MRTFB: variants seen among roughly 807,000 people sequenced by gnomAD.
MRTFB encodes the protein myocardin-related transcription factor B.
MRTFB carries 29 observed loss-of-function variants against 104.2 expected under a neutral mutation model. That is an observed-to-expected ratio of 0.28 (90% confidence interval 0.21 to 0.38). The LOEUF (loss-of-function observed/expected upper bound fraction) is 0.38, where lower values mean the gene tolerates loss of function less well. Ranked by LOEUF, MRTFB falls within the 10% of genes least tolerant of loss-of-function variation. The pLI is 1.00. For missense variants in MRTFB, 1,270 were observed against 1,341.6 expected (o/e 0.95, Z 0.83); for synonymous variants, 535 against 519.5 (o/e 1.03, Z -0.41).
At chr16:14,154,666 T>G (rs2038761870) in intron 3 of MRTFB, among the ~76,000 whole-genome samples, 1 of 152,118 alleles carries the variant, frequency 6.6e-6, no homozygotes, top group Admixed American at 6.5e-5. Flanking sequence ...TGCCTCAGAG[T>G]CTCTCAGGAG....
the MRTFB span, among the ~76,000 whole-genome samples, chr16:14,050,373 C>T: frequency 1.3e-5 from 2 of 152,032 alleles, no homozygotes; most frequent in African/African-American, 4.8e-5. Flanking sequence ...AATTTTTTTC[C>T]TCTTTTTTGA....
At chr16:14,226,951 G>A (rs1262980592) in intron 8 of MRTFB, among the ~76,000 whole-genome samples, 1 of 150,524 alleles carries the variant, frequency 6.6e-6, no homozygotes, top group Non-Finnish European at 1.5e-5. Flanking sequence ...CTGCACTCCA[G>A]CCTGGGGGAC....
At chr16:14,138,594 C>T (rs531036744) in intron 2 of MRTFB, among the ~76,000 whole-genome samples, 6 of 152,146 alleles carry the variant, frequency 3.9e-5, no homozygotes, top group African/African-American at 9.6e-5. Context: ...TTTGGTGGGC[C>T]GCACCAGAGA....
At chr16:14,192,977 C>T (rs1010333566) in intron 3 of MRTFB, among the ~76,000 whole-genome samples, 1 of 152,132 alleles carries the variant, frequency 6.6e-6, no homozygotes, top group Non-Finnish European at 1.5e-5. Flanking sequence ...AGAAATATTT[C>T]ATCTGTCCAC....
chr16:14,194,800 C>T (rs2151077158), intron 3 of MRTFB, among the ~76,000 whole-genome samples: 1 of 148,100 alleles, frequency 6.8e-6, no homozygotes, highest in South Asian at 2.1e-4. Context: ...TGGATAAATG[C>T]TTAATTCCTT....
At chr16:14,043,854 C>T in the MRTFB span, among the ~76,000 whole-genome samples, 10 of 152,174 alleles carry the variant, frequency 6.6e-5, no homozygotes, top group East Asian at 1.9e-4. Flanking sequence ...GGAAATGAGA[C>T]GTAATCTTGC....
chr16:14,064,757 T>G, the MRTFB span, among the ~76,000 whole-genome samples: 1 of 152,188 alleles, frequency 6.6e-6, no homozygotes, highest in Non-Finnish European at 1.5e-5. Context: ...TTGTCAGAGA[T>G]CAGATTGTTG....
chr16:14,000,091 T>C, the MRTFB span, among the ~76,000 whole-genome samples: 111 of 152,060 alleles, frequency 7.3e-4, 1 homozygote, highest in African/African-American at 2.6e-3. Context: ...CACATTGGGG[T>C]GGGGGCTGGA....
At chr16:14,053,424 C>CA in the MRTFB span, among the ~76,000 whole-genome samples, 3 of 151,654 alleles carry the variant, frequency 2.0e-5, no homozygotes, top group African/African-American at 4.8e-5. Flanking sequence ...CTTGACTCTA[C>CA]AAAAAAAATA....
rs1282078207 is a variant in MRTFB, at chr16:14,218,828, AAGG to A, written c.528_530del (p.Glu176del). The A allele has an allele frequency of 1.3e-6, 2 of 1,591,996 alleles. No homozygotes were observed. Among genetic ancestry groups the A allele is most frequent in the Non-Finnish European group, 1.7e-6 (2 of 1,166,440 alleles). On this transcript the variant is annotated inframe_deletion, in exon 8 of 17. Transcript: ENST00000571589. ...ATCATTTCTTTCTTTAGGCGTTGGG[AAGG>A]AGGACTATCCCCACACTCAGGGCGA...
chr16:14,079,404 TTTC>T (rs1252724462), intron 2 of MRTFB, 50 bp downstream of exon 2: 2 of 339,986 alleles, frequency 5.9e-6, no homozygotes, highest in East Asian at 7.8e-5. Flanking sequence ...AATTTCTTTC[TTTC>T]TTTTACCTCC....
intron 15 of MRTFB, among the ~76,000 whole-genome samples, chr16:14,256,057 G>T (rs1208066138): frequency 1.3e-5 from 2 of 149,530 alleles, no homozygotes; most frequent in African/African-American, 5.0e-5. Flanking sequence ...AGGCTGCAGT[G>T]ATCTGAGGCT....
At chr16:14,143,544 G>T (rs1373852178) in intron 3 of MRTFB, 12 of 148,402 alleles carry the variant, frequency 8.1e-5, no homozygotes, top group Middle Eastern at 3.4e-3. Context: ...AAGTTTTAGG[G>T]TACATGTACA....
At chr16:14,110,069 A>C (rs921169971) in intron 2 of MRTFB, among the ~76,000 whole-genome samples, 1 of 152,192 alleles carries the variant, frequency 6.6e-6, no homozygotes, top group Admixed American at 6.5e-5. Context: ...CTTGTGTCTT[A>C]TTTACTCTAC....
At chr16:14,237,522 C>G (rs764719516) in intron 9 of MRTFB, among the ~76,000 whole-genome samples, 1 of 152,180 alleles carries the variant, frequency 6.6e-6, no homozygotes, top group Non-Finnish European at 1.5e-5. Context: ...AAAGGCAGAG[C>G]TGGAGATGGT....
chr16:14,186,959 T>G, intron 3 of MRTFB: 3 of 1,598,148 alleles, frequency 1.9e-6, no homozygotes, highest in Non-Finnish European at 2.5e-6. Flanking sequence ...TCCCAGAGAT[T>G]TTAACTGCTG....
At chr16:14,237,320 A>G (rs1374019333) in intron 9 of MRTFB, among the ~76,000 whole-genome samples, 1 of 152,232 alleles carries the variant, frequency 6.6e-6, no homozygotes, top group Non-Finnish European at 1.5e-5. Context: ...AACAGCTAGC[A>G]AGAGTGAGGC....
At chr16:14,182,371 C>T (rs1180258637) in intron 3 of MRTFB, among the ~76,000 whole-genome samples, 2 of 152,082 alleles carry the variant, frequency 1.3e-5, no homozygotes, top group African/African-American at 4.8e-5. Context: ...CAGGTTTCTC[C>T]CTGTAGGAGA....
At chr16:14,209,930 T>C (rs1367685010) in intron 3 of MRTFB, among the ~76,000 whole-genome samples, 1 of 152,230 alleles carries the variant, frequency 6.6e-6, no homozygotes, top group Admixed American at 6.5e-5. Flanking sequence ...TATTAGCAAG[T>C]CTTAATATAT....
Sources: allele counts gnomAD v4.1 joint callset (sites outside exome capture counted in the v4.1 genomes callset), GRCh38; gene constraint gnomAD v4.1.1; transcripts MANE v1.5; gene names NCBI Gene and HGNC (gene_info 2026-07-23, HGNC 2026-07-21).